RFX2: variants seen among roughly 807,000 people sequenced by gnomAD.
RFX2 encodes DNA-binding protein RFX2.
Under a neutral mutation model 87.8 loss-of-function variants are expected in RFX2, and 20 were observed. That is an observed-to-expected ratio of 0.23 (90% CI 0.16 to 0.33). The LOEUF (loss-of-function observed/expected upper bound fraction) is 0.33, where lower values mean the gene tolerates loss of function less well. Ranked by LOEUF, RFX2 falls within the 10% of genes least tolerant of loss-of-function variation. RFX2 has a pLI of 1.00. For missense variants in RFX2, 767 were observed against 1,012.3 expected (o/e 0.76, Z 3.29); for synonymous variants, 397 against 431.3 (o/e 0.92, Z 0.98).
intron 1 of RFX2, among the ~76,000 whole-genome samples, chr19:6,062,961 C>A (rs928478365): frequency 1.3e-5 from 2 of 152,204 alleles, no homozygotes; most frequent in Non-Finnish European, 2.9e-5. Context: ...CGTCCTTTCC[C>A]TCCCCTTCCA....
At chr19:6,029,076 CAA>C (rs56768626) in intron 5 of RFX2, among the ~76,000 whole-genome samples, 31 of 122,412 alleles carry the variant, frequency 2.5e-4, no homozygotes, top group African/African-American at 7.0e-4. Flanking sequence ...GAGACTGTCT[CAA>C]AAAAAAAAAA....
At position 6,062,286 on chromosome 19, in the gene RFX2, C is replaced by T. The variant is rs371606897; in HGVS notation, c.-8-14782G>A. Among the ~76,000 whole-genome samples the T allele has an allele frequency of 1.1e-4, 17 of 152,318 alleles. No homozygotes were observed. The East Asian group carries it at 2.1e-3, about 19-fold the overall frequency. On this transcript the variant is annotated intron_variant, in intron 1 of 17. Coordinates refer to ENST00000303657, the MANE Select transcript of RFX2 (RefSeq NM_000635.4). ...CAGTAGCTGGTGGCCAGACCGAGCC[C>T]CAGACTGCGGGCAAAGCTGGTATAC...
chr19:6,002,001 T>C lies in RFX2; in HGVS notation c.1673A>G (p.Gln558Arg). The change falls in exon 15 of 18, where the codon CAG (glutamine) becomes CGG (arginine). Residue 558 changes from glutamine to arginine, a missense_variant. By Grantham distance (43) the Gln-to-Arg change is conservative (BLOSUM62 1). Coordinates refer to ENST00000303657, the MANE Select transcript of RFX2 (RefSeq NM_000635.4). This position sits in a 1 kb window ranked among gnomAD's most constrained non-coding sequence, Gnocchi z 6.7. ...CCGCTGCACCACACTCTCCTCGCAC[T>C]GGCACACCCACGAGGCCTGCTCCTG... is the stretch of plus-strand genomic sequence containing the variant. ...NVQEQASWVC[Q>R]CEESVVQRLE... The C allele has an allele frequency of 6.2e-7, 1 of 1,610,300 alleles. No individual in the cohort carries two copies.
At chr19:6,065,552 C>A (rs531538144) in intron 1 of RFX2, among the ~76,000 whole-genome samples, 2 of 152,028 alleles carry the variant, frequency 1.3e-5, no homozygotes, top group Non-Finnish European at 2.9e-5. Context: ...GAGGCTGAGG[C>A]GGAAGAATGG....
rs2086493600 is a variant in RFX2 at position 6,001,829 on chromosome 19, T to C, written c.1845A>G (p.Lys615=). Residue 615 remains lysine (K), a synonymous_variant, in exon 15 of 18, where the codon AAA becomes AAG. Transcript: ENST00000303657. The surrounding 1 kb of genome is among the most constrained non-coding windows in gnomAD (Gnocchi z 5.6). The stretch of plus-strand genomic sequence containing the variant: ...GTGGGACTAACCTGTAAAAGGACCA[T>C]TTCAGCAAGAACTGCCGGGCGGCCT... The part of the protein sequence containing the change: ...FPKAARQFLL[K]WSFYSSMVIR... 1 of 1,610,504 alleles carries C rather than the reference T, an allele frequency of 6.2e-7. No individual in the cohort carries two copies. Among genetic ancestry groups the C allele is most frequent in the Non-Finnish European group, 8.5e-7 (1 of 1,178,084 alleles).
chr19:6,057,641 G>A (rs1416505515), intron 1 of RFX2, among the ~76,000 whole-genome samples: 5 of 152,166 alleles, frequency 3.3e-5, no homozygotes, highest in South Asian at 2.1e-4. Flanking sequence ...GGCCTCCTCC[G>A]GCCATCAGCT....
rs540042018 is a variant in RFX2, at chr19:6,027,767, T to A, written c.523-1530A>T. Among the ~76,000 whole-genome samples, 2 of 152,238 alleles carry A rather than the reference T, an allele frequency of 1.3e-5. No individual in the cohort carries two copies. Among genetic ancestry groups the A allele is most frequent in the Non-Finnish European group, 2.9e-5 (2 of 68,038 alleles). ...CCCCTGAAAAAGAGCTTTATTTACTTATCTTTTTCTTGAGCCAGAGTCTTA... is the reference window on the plus strand; with the variant it reads ...CCCCTGAAAAAGAGCTTTATTTACTAATCTTTTTCTTGAGCCAGAGTCTTA... On this transcript the variant is annotated intron_variant, in intron 5 of 17. Coordinates refer to ENST00000303657, the MANE Select transcript of RFX2 (RefSeq NM_000635.4). This position sits in a 1 kb window ranked among gnomAD's most constrained non-coding sequence, Gnocchi z 5.0.
rs934728642 is a variant in RFX2 at position 6,004,040 on chromosome 19, G to A, written c.1500+161C>T. The stretch of plus-strand genomic sequence containing the variant: ...TGTTCCCCTTCCTGCCAGCACTGAC[G>A]CGTCACCGGCAGTGTGCTCAGGGCT... On this transcript the variant is annotated intron_variant, in intron 13 of 17. Transcript: ENST00000303657. This position sits in a 1 kb window ranked among gnomAD's most constrained non-coding sequence, Gnocchi z 4.8. Among the ~76,000 whole-genome samples the A allele has an allele frequency of 1.3e-5, 2 of 152,088 alleles. No individual in the cohort carries two copies. Among genetic ancestry groups the A allele is most frequent in the Admixed American group, 6.6e-5 (1 of 15,266 alleles).
intron 1 of RFX2, among the ~76,000 whole-genome samples, chr19:6,092,531 G>C (rs901998690): frequency 2.0e-5 from 3 of 152,196 alleles, no homozygotes; most frequent in Admixed American, 1.3e-4. Context: ...TGCTAGGCTC[G>C]AGTCCGCGCA....
intron 1 of RFX2, among the ~76,000 whole-genome samples, chr19:6,052,554 T>C (rs2087280385): frequency 6.6e-6 from 1 of 152,208 alleles, no homozygotes; most frequent in Non-Finnish European, 1.5e-5. Context: ...ATTGATGTAA[T>C]TGACATTTAG....
intron 1 of RFX2, among the ~76,000 whole-genome samples, chr19:6,093,903 A>G (rs1360862482): frequency 6.6e-6 from 1 of 152,122 alleles, no homozygotes; most frequent in Non-Finnish European, 1.5e-5. Context: ...ATCCACAAAG[A>G]CAGAAAGTGG....
rs1346629536 is a variant in RFX2, at chr19:6,010,020, C to T, written c.1015+116G>A. Reference sequence around the variant, plus strand: ...TTTCTATTTGTCCGAAAAGGTGTCTCGTAAGAAAACTGTCGGAAGCAGACG... The same window carrying T: ...TTTCTATTTGTCCGAAAAGGTGTCTTGTAAGAAAACTGTCGGAAGCAGACG... On this transcript the variant is annotated intron_variant, in intron 9 of 17. Transcript: ENST00000303657. This position sits in a 1 kb window ranked among gnomAD's most constrained non-coding sequence, Gnocchi z 5.0. 5 of 544,838 alleles carry T rather than the reference C, an allele frequency of 9.2e-6. No individual in the cohort carries two copies. Among genetic ancestry groups the T allele is most frequent in the South Asian group, 3.4e-5 (1 of 29,072 alleles). 33.8% of individuals were successfully genotyped at this position (544,838 alleles called of 1,614,324 possible).
chr19:6,026,475 A>G lies in RFX2; in HGVS notation c.523-238T>C, dbSNP rs1484367599. ...AGGTAAGCCCGAGAGCCCGTCCAAC[A>G]GAAGCAGCAGAAATCATGTTGTAAA... is the stretch of plus-strand genomic sequence containing the variant. On this transcript the variant is annotated intron_variant, in intron 5 of 17. Transcript: ENST00000303657. This position sits in a 1 kb window ranked among gnomAD's most constrained non-coding sequence, Gnocchi z 4.5. 1 of 571,492 alleles carries G rather than the reference A, an allele frequency of 1.7e-6. No individual in the cohort carries two copies. The highest frequency in any genetic ancestry group is 3.1e-6 in the Non-Finnish European group (1 of 321,220). 35.4% of individuals were successfully genotyped at this position (571,492 alleles called of 1,614,324 possible).
intron 1 of RFX2, among the ~76,000 whole-genome samples, chr19:6,106,580 G>A (rs1310163692): frequency 6.6e-6 from 1 of 151,892 alleles, no homozygotes; most frequent in East Asian, 1.9e-4. Context: ...TCAGAAATAC[G>A]GCTGTGTTTA....
At chr19:6,098,612 T>C (rs1334696371) in intron 1 of RFX2, among the ~76,000 whole-genome samples, 1 of 151,990 alleles carries the variant, frequency 6.6e-6, no homozygotes, top group African/African-American at 2.4e-5. Flanking sequence ...TCAGGAGTGT[T>C]ATAGAGGGGT....
In RFX2 at chr19:6,061,572, C is replaced by T. The variant is rs2087431282; in HGVS notation, c.-8-14068G>A. On this transcript the variant is annotated intron_variant, in intron 1 of 17. Transcript: ENST00000303657. This position sits in a 1 kb window ranked among gnomAD's most constrained non-coding sequence, Gnocchi z 5.2. ...CCAAAGAAACGGAACATTTGGTTCC[C>T]TTCCTACTCCCGGCCCCGCCTCTGG... Among the ~76,000 whole-genome samples, 1 of 152,226 alleles carries T rather than the reference C, an allele frequency of 6.6e-6. No individual in the cohort carries two copies. The highest frequency in any genetic ancestry group is 1.5e-5 in the Non-Finnish European group (1 of 68,044).
rs769007514 is a variant in RFX2, at chr19:6,016,046, G to A, written c.779+44C>T. The A allele has an allele frequency of 5.8e-5, 88 of 1,522,476 alleles. No individual in the cohort carries two copies. The highest frequency in any genetic ancestry group is 7.3e-5 in the Non-Finnish European group (82 of 1,130,870). The allele number at this position is 1,522,476 out of a possible 1,614,324, so 94.3% of individuals were successfully genotyped here. A position where few individuals can be genotyped will look rare whatever the true frequency, so the allele number is the denominator to read the frequency against. ...TTTTCCCAAAAGCTCCATTTCTTGG[G>A]AAAGGAAGAGGAAGAACAGGTGGGC... On this transcript the variant is annotated intron_variant, in intron 7 of 17. Coordinates refer to ENST00000303657, the MANE Select transcript of RFX2 (RefSeq NM_000635.4). The surrounding 1 kb of genome is among the most constrained non-coding windows in gnomAD (Gnocchi z 5.4).
intron 3 of RFX2, among the ~76,000 whole-genome samples, 163 bp from the exon 4 acceptor site, chr19:6,042,286 G>A (rs2087121686): frequency 6.6e-6 from 1 of 152,256 alleles, no homozygotes. Context: ...TGAGGAGACA[G>A]TAATGTACAG....
At chr19:6,000,487 A>C (rs764166384) in intron 15 of RFX2, among the ~76,000 whole-genome samples, 1 of 152,202 alleles carries the variant, frequency 6.6e-6, no homozygotes, top group Non-Finnish European at 1.5e-5. Flanking sequence ...TCTCACCTTG[A>C]ATTGTAATGA....
Sources: allele counts gnomAD v4.1 joint callset (sites outside exome capture counted in the v4.1 genomes callset), GRCh38; gene constraint gnomAD v4.1.1; non-coding constraint Gnocchi (gnomAD v3.1); transcripts MANE v1.5; gene names NCBI Gene and HGNC (gene_info 2026-07-23, HGNC 2026-07-21).